RASA1: variants seen among roughly 807,000 people sequenced by gnomAD.
The protein encoded by RASA1 is ras GTPase-activating protein 1.
In RASA1, 25 loss-of-function variants were observed where a neutral mutation model predicts 132.2. The ratio of observed to expected loss-of-function variants is 0.19; its 90% CI spans 0.14 to 0.26. RASA1 has a LOEUF of 0.26. Ranked by LOEUF, RASA1 falls within the 10% of genes least tolerant of loss-of-function variation. The probability of loss-of-function intolerance (pLI) is 1.00; values close to 1 mark genes in which losing one functional copy is unlikely to be tolerated. For missense variants in RASA1, 964 were observed against 1,299.2 expected (o/e 0.74, Z 3.97); for synonymous variants, 477 against 449.9 (o/e 1.06, Z -0.76).
At chr5:87,336,609 T>G (rs946571924) in intron 4 of RASA1, among the ~76,000 whole-genome samples, 1 of 152,112 alleles carries the variant, frequency 6.6e-6, no homozygotes, top group Non-Finnish European at 1.5e-5. Context: ...TTTAAAACTT[T>G]TTTTGGTTTT....
At chr5:87,283,606 G>A (rs1269153532) in intron 1 of RASA1, among the ~76,000 whole-genome samples, 1 of 151,956 alleles carries the variant, frequency 6.6e-6, no homozygotes, top group Non-Finnish European at 1.5e-5. Context: ...AAATACATCT[G>A]TATATATCCC....
In RASA1 at chr5:87,268,458, G is replaced by A; in HGVS notation, c.7G>A (p.Ala3Thr). 2.6e-6 allele frequency: 4 copies of A among 1,546,834 alleles called. No homozygotes were observed. Among genetic ancestry groups the A allele is most frequent in the Non-Finnish European group, 3.5e-6 (4 of 1,145,482 alleles). MM[A>T]AEAGSEEGGP... ...GAGTAGAGCGGGCTTCAACATGATG[G>A]CGGCCGAGGCCGGCAGTGAGGAGGG... Residue 3 changes from alanine (A) to threonine (T), a missense_variant, in exon 1 of 25, where the codon GCG becomes ACG. This residue lies in a region of RASA1 where 326 missense variants were observed against 275.8 expected (regional missense o/e 1.18). Transcript: ENST00000274376.
chr5:87,347,698 TTAAG>T (rs1292776798), intron 7 of RASA1, among the ~76,000 whole-genome samples: 1 of 151,936 alleles, frequency 6.6e-6, no homozygotes, highest in Non-Finnish European at 1.5e-5. Context: ...AAGCTGTAGG[TTAAG>T]TAGGTTCAAA....
chr5:87,371,919 G>T (rs1324269664), intron 12 of RASA1, among the ~76,000 whole-genome samples, 199 bp from the exon 13 acceptor site: 2 of 151,692 alleles, frequency 1.3e-5, no homozygotes, highest in Admixed American at 6.6e-5. Flanking sequence ...CAATTGTTTT[G>T]GTTGTTTTAT....
intron 23 of RASA1, 109 bp from the exon 24 acceptor site, chr5:87,389,284 T>C (rs1197305396): frequency 7.0e-7 from 1 of 1,421,426 alleles, no homozygotes; most frequent in Non-Finnish European, 9.8e-7. Context: ...TGAGCCGAGA[T>C]CATGCCATTG....
chr5:87,284,860 C>G (rs1754474213), intron 1 of RASA1, among the ~76,000 whole-genome samples: 1 of 151,946 alleles, frequency 6.6e-6, no homozygotes, highest in Admixed American at 6.6e-5. Flanking sequence ...AGATCAAAAT[C>G]TTTTTATCAT....
intron 18 of RASA1, 137 bp downstream of exon 18, chr5:87,378,675 A>C (rs1761491030): frequency 1.1e-6 from 1 of 894,012 alleles, no homozygotes; most frequent in South Asian, 1.7e-5. Flanking sequence ...CCTGTCTGTA[A>C]TACATTTATA....
intron 10 of RASA1, among the ~76,000 whole-genome samples, chr5:87,362,910 T>C (rs1193920094): frequency 6.6e-6 from 1 of 151,476 alleles, no homozygotes; most frequent in Non-Finnish European, 1.5e-5. Flanking sequence ...TTCTTTCTTT[T>C]TTTTTTTTGA....
chr5:87,389,614 T>A, intron 24 of RASA1, 87 bp downstream of exon 24: 1 of 1,528,232 alleles, frequency 6.5e-7, no homozygotes, highest in Non-Finnish European at 9.0e-7. Flanking sequence ...GGTTAACATT[T>A]TTATCTTGTT....
intron 11 of RASA1, among the ~76,000 whole-genome samples, chr5:87,367,801 A>T (rs555857710): frequency 2.7e-4 from 41 of 152,200 alleles, no homozygotes; most frequent in African/African-American, 9.6e-4. Flanking sequence ...CATTTTAAAG[A>T]TGGTTTTCTG....
intron 1 of RASA1, among the ~76,000 whole-genome samples, chr5:87,278,909 C>CTATTTTTTTTT (rs1754187323): frequency 1.2e-5 from 1 of 83,998 alleles, no homozygotes; most frequent in Admixed American, 1.8e-4. Flanking sequence ...CTAATTTGTT[C>CTATTTTTTTTT]TTTTTTTTTT....
chr5:87,323,617 T>C (rs1368782802), intron 1 of RASA1, among the ~76,000 whole-genome samples: 1 of 152,242 alleles, frequency 6.6e-6, no homozygotes, highest in Non-Finnish European at 1.5e-5. Context: ...TATAAGCTTA[T>C]ATTCTTTCCA....
chr5:87,376,536 C>A lies in RASA1; in HGVS notation c.2155C>A (p.Pro719Thr). Residue 719 changes from proline (P) to threonine (T), a missense_variant, in exon 16 of 25, where the codon CCA (proline) becomes ACA (threonine). Physicochemically the swap from Pro to Thr is conservative, Grantham distance 38. This residue lies in a region of RASA1 where 346 missense variants were observed against 520.1 expected (regional missense o/e 0.67). Coordinates refer to ENST00000274376, the MANE Select transcript of RASA1 (RefSeq NM_002890.3). ...RARYSMEKIM[P>T]EEEYSEFKEL... ...ACGATACTCTATGGAAAAAATCATGCCAGAAGAAGAGTACAGTGAATTTAA... is the reference window on the plus strand; with the variant it reads ...ACGATACTCTATGGAAAAAATCATGACAGAAGAAGAGTACAGTGAATTTAA... 2 of 1,613,786 alleles carry A rather than the reference C, an allele frequency of 1.2e-6. No homozygotes were observed. Among genetic ancestry groups the A allele is most frequent in the Non-Finnish European group, 1.7e-6 (2 of 1,179,900 alleles).
intron 7 of RASA1, among the ~76,000 whole-genome samples, chr5:87,347,311 T>C (rs1758936563): frequency 6.6e-6 from 1 of 151,992 alleles, no homozygotes; most frequent in African/African-American, 2.4e-5. Context: ...AATTTTAACA[T>C]TTCCCAAAAC....
At chr5:87,386,715 G>A in intron 22 of RASA1, 111 bp from the exon 23 acceptor site, 2 of 865,312 alleles carry the variant, frequency 2.3e-6, no homozygotes, top group Non-Finnish European at 3.9e-6. Flanking sequence ...TTAATTTGGT[G>A]CAATAGTAAT....
At chr5:87,296,911 CTT>C (rs965025828) in intron 1 of RASA1, among the ~76,000 whole-genome samples, 14 of 151,934 alleles carry the variant, frequency 9.2e-5, no homozygotes, top group Non-Finnish European at 1.8e-4. Context: ...TAAGTTACAC[CTT>C]TTTTAGTTTC....
chr5:87,367,410 A>C (rs565565900), intron 11 of RASA1, among the ~76,000 whole-genome samples: 6 of 152,340 alleles, frequency 3.9e-5, no homozygotes, highest in South Asian at 4.1e-4. Context: ...ATTTAGAAGA[A>C]GACTAATGTG....
chr5:87,270,320 T>G (rs1264777511), intron 1 of RASA1, among the ~76,000 whole-genome samples: 1 of 150,248 alleles, frequency 6.7e-6, no homozygotes, highest in Non-Finnish European at 1.5e-5. Context: ...TGACAGTCAC[T>G]CTGGACAATT....
intron 6 of RASA1, among the ~76,000 whole-genome samples, chr5:87,345,750 T>C (rs1758814809): frequency 6.6e-6 from 1 of 152,184 alleles, no homozygotes; most frequent in African/African-American, 2.4e-5. Context: ...CACTGGACTT[T>C]TGAGCACTTA....
Sources: gnomAD v4.1 joint callset for allele counts (sites outside exome capture counted in the v4.1 genomes callset) on GRCh38, gnomAD v4.1.1 for gene constraint, gnomAD v4.1.1 regional missense constraint, MANE v1.5 for transcripts, NCBI Gene and HGNC (gene_info 2026-07-23, HGNC 2026-07-21) for gene names.